The following GRHL2 variants were observed in gnomAD, a reference collection of about 807,000 sequenced individuals.
The protein encoded by GRHL2 is grainyhead-like protein 2 homolog.
In GRHL2, 21 loss-of-function variants were observed where a neutral mutation model predicts 83.8. That is an observed-to-expected ratio of 0.25 (90% CI 0.18 to 0.36). GRHL2 has a LOEUF of 0.36. GRHL2 is among the 10% of genes least tolerant of loss of function. The pLI, the probability that GRHL2 is intolerant of heterozygous loss-of-function variation, is 1.00. For synonymous variants in GRHL2, 280 were observed against 278.9 expected (o/e 1.00, Z -0.04); for missense variants, 623 against 781.8 (o/e 0.80, Z 2.42).
intron 13 of GRHL2, among the ~76,000 whole-genome samples, chr8:101,645,909 T>A (rs1813503206): frequency 6.6e-6 from 1 of 152,106 alleles, no homozygotes; most frequent in Non-Finnish European, 1.5e-5. Flanking sequence ...AGAGTCTCAT[T>A]GTCACTCAGG....
chr8:101,609,429 G>A (rs1341607588), intron 8 of GRHL2, among the ~76,000 whole-genome samples: 2 of 150,992 alleles, frequency 1.3e-5, no homozygotes, highest in Admixed American at 6.6e-5. Flanking sequence ...GCCTCCTGGC[G>A]ATTCTGATGC....
chr8:101,649,129 T>C (rs965704881), intron 13 of GRHL2, among the ~76,000 whole-genome samples: 1 of 152,224 alleles, frequency 6.6e-6, no homozygotes, highest in Non-Finnish European at 1.5e-5. Context: ...AGAGATGCGA[T>C]GTACCCCTCA....
chr8:101,610,090 G>C (rs76319909), intron 8 of GRHL2, among the ~76,000 whole-genome samples: 4 of 150,714 alleles, frequency 2.7e-5, no homozygotes, highest in African/African-American at 1.0e-4. Flanking sequence ...AGATCTGCTC[G>C]AGTGACAGAG....
At chr8:101,521,557 A>G (rs886463220) in intron 1 of GRHL2, among the ~76,000 whole-genome samples, 1 of 152,200 alleles carries the variant, frequency 6.6e-6, no homozygotes, top group East Asian at 1.9e-4. Context: ...TCACCAGGGC[A>G]GAGACTGGGT....
At chr8:101,575,485 T>G (rs1239227568) in intron 6 of GRHL2, among the ~76,000 whole-genome samples, 1 of 152,192 alleles carries the variant, frequency 6.6e-6, no homozygotes, top group Non-Finnish European at 1.5e-5. Flanking sequence ...GAGACTAAGT[T>G]GGCGCCTCTC....
chr8:101,516,036 G>T (rs1351431039), intron 1 of GRHL2, among the ~76,000 whole-genome samples: 3 of 152,170 alleles, frequency 2.0e-5, no homozygotes, highest in Non-Finnish European at 2.9e-5. Context: ...CTTGAACCCT[G>T]TGGTCTGACT....
chr8:101,534,965 C>T (rs1811012616), intron 1 of GRHL2, among the ~76,000 whole-genome samples: 3 of 152,304 alleles, frequency 2.0e-5, no homozygotes, highest in South Asian at 4.1e-4. Flanking sequence ...GGGCACTACT[C>T]TGTGTCTAGT....
At chr8:101,625,907 A>G (rs940756765) in intron 9 of GRHL2, among the ~76,000 whole-genome samples, 7 of 151,922 alleles carry the variant, frequency 4.6e-5, no homozygotes, top group Non-Finnish European at 1.0e-4. Flanking sequence ...GATGTCAGGA[A>G]AATCATAAGG....
intron 9 of GRHL2, among the ~76,000 whole-genome samples, chr8:101,628,742 G>T (rs1813128301): frequency 6.6e-6 from 1 of 152,094 alleles, no homozygotes. Context: ...ATTAACAGGA[G>T]TTTGGAAGAA....
At chr8:101,575,248 A>G (rs1811909478) in intron 6 of GRHL2, among the ~76,000 whole-genome samples, 1 of 151,944 alleles carries the variant, frequency 6.6e-6, no homozygotes, top group Non-Finnish European at 1.5e-5. Context: ...TGTTAGTATA[A>G]CTCATATACA....
intron 1 of GRHL2, among the ~76,000 whole-genome samples, chr8:101,538,893 A>G (rs542860962): frequency 6.6e-6 from 1 of 152,358 alleles, no homozygotes; most frequent in South Asian, 2.1e-4. Context: ...GCTGCCAAGA[A>G]TGTGAAAAGA....
intron 1 of GRHL2, among the ~76,000 whole-genome samples, chr8:101,533,772 T>C (rs1810986817): frequency 6.6e-6 from 1 of 152,072 alleles, no homozygotes. Flanking sequence ...GAGCTAGCCT[T>C]AGGTATTTGG....
intron 4 of GRHL2, among the ~76,000 whole-genome samples, chr8:101,559,353 C>CAAAAAAAAAAAAAAAAAAAAAAAAAAA: frequency 1.1e-5 from 1 of 88,942 alleles, no homozygotes; most frequent in African/African-American, 4.1e-5. Flanking sequence ...ACTAAAAATA[C>CAAAAAAAAAAAAAAAAAAAAAAAAAAA]AAAAAAAAAA....
intron 7 of GRHL2, among the ~76,000 whole-genome samples, chr8:101,590,017 T>G: frequency 6.6e-6 from 1 of 152,140 alleles, no homozygotes; most frequent in Non-Finnish European, 1.5e-5. Context: ...GAGGTGGGAA[T>G]AATAATAATA....
chr8:101,599,147 C>T lies in GRHL2; in HGVS notation c.1094C>T (p.Ala365Val), dbSNP rs775404836. The T allele has an allele frequency of 5.0e-6, 8 of 1,593,402 alleles. No homozygotes were observed. The highest frequency in any genetic ancestry group is 3.3e-5 in the South Asian group (3 of 90,638). Residue 365 changes from alanine to valine, a missense_variant, in exon 8 of 16, where the codon GCG (alanine) becomes GTG (valine). Transcript: ENST00000646743. ...TTTACCTGGGACGTGAATGAAGAGG[C>T]GAAGGTGAGTGACATTGATTCATTG... The part of the protein sequence containing the change: ...VSFTWDVNEE[A>V]KIFITVNCLS...
intron 12 of GRHL2, among the ~76,000 whole-genome samples, chr8:101,637,661 A>G (rs918162506): frequency 7.2e-5 from 11 of 152,170 alleles, no homozygotes; most frequent in African/African-American, 2.7e-4. Flanking sequence ...CACCTCTTTG[A>G]CAAGCAGTCA....
intron 1 of GRHL2, among the ~76,000 whole-genome samples, chr8:101,511,214 G>T (rs1452863922): frequency 2.6e-5 from 4 of 151,812 alleles, no homozygotes; most frequent in African/African-American, 9.7e-5. Context: ...CATTTTTTGG[G>T]TTGCATGATA....
At chr8:101,633,786 C>T (rs1813233289) in intron 11 of GRHL2, among the ~76,000 whole-genome samples, 1 of 151,858 alleles carries the variant, frequency 6.6e-6, no homozygotes, top group African/African-American at 2.4e-5. Context: ...TGTCTGTGCC[C>T]CATGGGATTT....
At chr8:101,537,486 T>G (rs918737188) in intron 1 of GRHL2, among the ~76,000 whole-genome samples, 2 of 152,192 alleles carry the variant, frequency 1.3e-5, no homozygotes, top group Non-Finnish European at 2.9e-5. Flanking sequence ...AGTTAAGACC[T>G]GAAAACAGTC....
Sources: gnomAD v4.1 joint callset for allele counts (sites outside exome capture counted in the v4.1 genomes callset) on GRCh38, gnomAD v4.1.1 for gene constraint, MANE v1.5 for transcripts, NCBI Gene and HGNC (gene_info 2026-07-23, HGNC 2026-07-21) for gene names.